KAT5: variants seen among roughly 807,000 people sequenced by gnomAD.
KAT5 encodes the protein lysine acetyltransferase 5, also known as histone acetyltransferase KAT5.
A neutral mutation model predicts 68.1 loss-of-function variants in KAT5; 31 were observed. That is an observed-to-expected ratio of 0.46 (90% CI 0.34 to 0.61). The LOEUF (loss-of-function observed/expected upper bound fraction) is 0.61, where lower values mean the gene tolerates loss of function less well. KAT5 is among the 20% of genes least tolerant of loss of function. The pLI, the probability that KAT5 is intolerant of heterozygous loss-of-function variation, is 0.01. For synonymous variants in KAT5, 365 were observed against 292.6 expected, an observed-to-expected ratio of 1.25 and a Z score of -2.52; for missense variants, 451 against 725.5, an observed-to-expected ratio of 0.62 and a Z score of 4.35.
intron 10 of KAT5, chr11:65,717,313 G>A (rs1857231950): frequency 2.3e-6 from 1 of 432,278 alleles, no homozygotes; most frequent in Non-Finnish European, 4.3e-6. Context: ...GGTAACGTGT[G>A]CCATGATACG....
At position 65,719,102 on chromosome 11, in the gene KAT5, T is replaced by C. The variant is rs145568166; in HGVS notation, c.1562T>C (p.Met521Thr). 8.5e-5 allele frequency: 138 copies of C among 1,614,062 alleles called. No homozygotes were observed. Among genetic ancestry groups the C allele is most frequent in the Non-Finnish European group, 1.1e-4 (132 of 1,180,032 alleles). ...EDIVDGHERA[M>T]LKRLLRIDSK... ...ATCGTGGATGGCCATGAGCGGGCCA[T>C]GCTCAAGCGGCTCCTGCGGATCGAC... The change falls in exon 13 of 13, where the codon ATG (methionine) becomes ACG (threonine). Residue 521 changes from methionine (M) to threonine (T), a missense_variant. This residue lies in a region of KAT5 where 210 missense variants were observed against 423.7 expected (regional missense o/e 0.50). Coordinates refer to ENST00000341318, the MANE Select transcript of KAT5 (RefSeq NM_182710.3).
intron 10 of KAT5, chr11:65,718,213 A>C (rs1236635095): frequency 5.5e-6 from 1 of 181,670 alleles, no homozygotes; most frequent in Non-Finnish European, 1.2e-5. Context: ...AGAGACAGGA[A>C]TCTGTCTCCA....
intron 8 of KAT5, chr11:65,715,170 C>T (rs538484982): frequency 2.2e-5 from 11 of 496,064 alleles, no homozygotes; most frequent in Non-Finnish European, 3.7e-5. Flanking sequence ...GTTAGCAGGA[C>T]CCAAAGGAGG....
chr11:65,716,300 G>A (rs774351499), intron 8 of KAT5: 2 of 222,246 alleles, frequency 9.0e-6, no homozygotes, highest in South Asian at 1.7e-4. Flanking sequence ...AGTTTGAGGA[G>A]CCGTGGTCAG....
At chr11:65,716,153 C>T (rs1381888139) in intron 8 of KAT5, 2 of 154,528 alleles carry the variant, frequency 1.3e-5, no homozygotes, top group African/African-American at 4.8e-5. Flanking sequence ...TCCAGAATTC[C>T]TTAACTCTGT....
At position 65,712,346 on chromosome 11, in the gene KAT5, G is replaced by A. The variant is rs149844051; in HGVS notation, c.79G>A (p.Val27Ile). Residue 27 changes from valine to isoleucine, a missense_variant, in exon 1 of 13, where the codon GTA becomes ATA. By Grantham distance (29) the Val-to-Ile change is conservative. Around this residue, in one of 4 missense-constraint regions of KAT5, gnomAD observed 104 missense variants for 107.3 expected, o/e 0.97. Transcript: ENST00000341318. ...GEVGRARGPP[V>I]ADPGVALSPQ... Reference sequence around the variant, plus strand: ...GGTGGGTAGAGCCCGAGGCCCCCCAGTAGCCGACCCTGGCGTCGCGCTGTC... The same window carrying A: ...GGTGGGTAGAGCCCGAGGCCCCCCAATAGCCGACCCTGGCGTCGCGCTGTC... The A allele has an allele frequency of 1.4e-5, 21 of 1,531,870 alleles. 1 individual carries two copies. Among genetic ancestry groups the A allele is most frequent in the Non-Finnish European group, 1.6e-5 (18 of 1,150,176 alleles). The allele number at this position is 1,531,870 out of a possible 1,614,324, so 94.9% of individuals were successfully genotyped here.
In KAT5 at chr11:65,713,316, C is replaced by T. The variant is rs750725821; in HGVS notation, c.385-32C>T. 24 of 1,605,500 alleles carry T rather than the reference C, an allele frequency of 1.5e-5. No individual in the cohort carries two copies. The Admixed American group carries it at 3.9e-4, about 26-fold the overall frequency. On this transcript the variant is annotated intron_variant, in intron 3 of 12. Transcript: ENST00000341318. ...TTCCCCATCCCACTGCCATCCCCGC[C>T]CCAAAGGAAGACCCTGGACCTATCT...
At chr11:65,716,024 CAA>C (rs34568886) in intron 8 of KAT5, 21,619 of 123,250 alleles carry the variant, frequency 0.18, 1,876 homozygotes, top group East Asian at 0.4. Flanking sequence ...GACCCTGTGT[CAA>C]AAAAAAAAAA....
rs1167110420 is a variant in KAT5, at chr11:65,713,403, T to G, written c.440T>G (p.Leu147Arg). The G allele has an allele frequency of 6.2e-7, 1 of 1,613,672 alleles. No individual in the cohort carries two copies. Among genetic ancestry groups the G allele is most frequent in the Non-Finnish European group, 8.5e-7 (1 of 1,179,956 alleles). The change falls in exon 4 of 13, where the codon CTC becomes CGC. Residue 147 changes from leucine (L) to arginine (R), a missense_variant. Physicochemically the swap from Leu to Arg is moderately radical, Grantham distance 102. Transcript: ENST00000341318. ...KTLPIPVQIT[L>R]RFNLPKEREA... ...TTGCCAATCCCGGTCCAGATCACAC[T>G]CCGCTTCAACCTGCCCAAGGAGCGG...
intron 1 of KAT5, 89 bp from the exon 2 acceptor site, chr11:65,712,677 A>G (rs1857062362): frequency 1.3e-5 from 19 of 1,488,310 alleles, no homozygotes; most frequent in Non-Finnish European, 1.8e-5. Context: ...GAGCTTAGGG[A>G]TCCGGCCTGG....
intron 10 of KAT5, 48 bp from the exon 11 acceptor site, chr11:65,718,542 T>C: frequency 6.3e-7 from 1 of 1,579,872 alleles, no homozygotes; most frequent in Non-Finnish European, 8.6e-7. Flanking sequence ...ATGTTGCTTA[T>C]GTTCATCTGT....
chr11:65,717,292 C>A, intron 10 of KAT5: 1 of 486,524 alleles, frequency 2.1e-6, no homozygotes, highest in East Asian at 3.8e-5. Flanking sequence ...GCCGCTGGTG[C>A]TGATGTATCT....
rs2135622285 is a variant in KAT5 at position 65,712,996 on chromosome 11, G to A, written c.322G>A (p.Ala108Thr). Residue 108 changes from alanine to threonine, a missense_variant, in exon 3 of 13, where the codon GCC (alanine) becomes ACC (threonine). By Grantham distance (58) the Ala-to-Thr change is moderately conservative (BLOSUM62 0). Coordinates refer to ENST00000341318, the MANE Select transcript of KAT5 (RefSeq NM_182710.3). Reference sequence around the variant, plus strand: ...GAAGATCCAGTTCCCCAAGAAAGAGGCCAAGACCCCCACTAAGAACGGACT... The same window carrying A: ...GAAGATCCAGTTCCCCAAGAAAGAGACCAAGACCCCCACTAAGAACGGACT... Reference protein sequence around the residue: ...LKKIQFPKKEAKTPTKNGLPG... With the variant: ...LKKIQFPKKETKTPTKNGLPG... 1 of 1,614,018 alleles carries A rather than the reference G, an allele frequency of 6.2e-7. No homozygotes were observed. Among genetic ancestry groups the A allele is most frequent in the Admixed American group, 1.7e-5 (1 of 60,024 alleles).
Position 65,719,191 on chromosome 11 carries a change from G to A in KAT5, c.*10G>A. On this transcript the variant is annotated 3_prime_UTR_variant, in exon 13 of 13. Coordinates refer to ENST00000341318, the MANE Select transcript of KAT5 (RefSeq NM_182710.3). ...GAGGGGGAAGTGGTGACCAGACACTGCCCACTGCAGTGCCAAGACGGCAGC... is the reference window on the plus strand; with the variant it reads ...GAGGGGGAAGTGGTGACCAGACACTACCCACTGCAGTGCCAAGACGGCAGC... 6.2e-7 allele frequency: 1 copy of A among 1,612,842 alleles called. No individual in the cohort carries two copies. Among genetic ancestry groups the A allele is most frequent in the South Asian group, 1.1e-5 (1 of 90,952 alleles).
Position 65,714,716 on chromosome 11 carries a change from T to G in KAT5, c.912T>G (p.Arg304=). The G allele has an allele frequency of 6.2e-7, 1 of 1,614,198 alleles. No individual in the cohort carries two copies. Among genetic ancestry groups the G allele is most frequent in the African/African-American group, 1.3e-5 (1 of 75,050 alleles). ...YLCEFCLKYG[R]SLKCLQRHLT... ...GCGAGTTCTGCCTCAAGTACGGCCG[T>G]AGTCTCAAGTGTCTTCAGCGTCATT... The change falls in exon 7 of 13, where the codon CGT becomes CGG. Residue 304 remains arginine, a synonymous_variant. Coordinates refer to ENST00000341318, the MANE Select transcript of KAT5 (RefSeq NM_182710.3).
rs116830965 is a variant in KAT5, at chr11:65,713,040, C to T, written c.366C>T (p.Gly122=). ...ACGGACTTCCTGGGTCCCGTCCTGG[C>T]TCTCCAGAGAGAGAGGTGGTGAGTA... ...TKNGLPGSRP[G]SPEREVPASA... is the part of the protein sequence containing the mutation. Residue 122 remains glycine (G), a synonymous_variant, in exon 3 of 13, where the codon GGC becomes GGT. Coordinates refer to ENST00000341318, the MANE Select transcript of KAT5 (RefSeq NM_182710.3). 1.2e-6 allele frequency: 2 copies of T among 1,613,094 alleles called. No homozygotes were observed. Among genetic ancestry groups the T allele is most frequent in the East Asian group, 4.5e-5 (2 of 44,902 alleles).
rs1305085660 is a variant in KAT5 at position 65,714,627 on chromosome 11, C to G, written c.823C>G (p.Leu275Val). Residue 275 changes from leucine to valine, a missense_variant, in exon 7 of 13, where the codon CTC (leucine) becomes GTC (valine). Coordinates refer to ENST00000341318, the MANE Select transcript of KAT5 (RefSeq NM_182710.3). ...GTGCATTGAGCTGGGCCGGCACCGC[C>G]TCAAGCCGTGGTACTTCTCCCCGTA... ...IECIELGRHR[L>V]KPWYFSPYPQ... The G allele has an allele frequency of 6.2e-7, 1 of 1,614,252 alleles. No homozygotes were observed.
In KAT5 at chr11:65,719,098, G is replaced by T; in HGVS notation, c.1558G>T (p.Ala520Ser). Residue 520 changes from alanine to serine, a missense_variant, in exon 13 of 13, where the codon GCC (alanine) becomes TCC (serine). By Grantham distance (99) the Ala-to-Ser change is moderately conservative (BLOSUM62 1). Coordinates refer to ENST00000341318, the MANE Select transcript of KAT5 (RefSeq NM_182710.3). The part of the protein sequence containing the change: ...SEDIVDGHER[A>S]MLKRLLRIDS... Reference sequence around the variant, plus strand: ...GGACATCGTGGATGGCCATGAGCGGGCCATGCTCAAGCGGCTCCTGCGGAT... The same window carrying T: ...GGACATCGTGGATGGCCATGAGCGGTCCATGCTCAAGCGGCTCCTGCGGAT... 6.2e-7 allele frequency: 1 copy of T among 1,614,192 alleles called. No individual in the cohort carries two copies. The highest frequency in any genetic ancestry group is 8.5e-7 in the Non-Finnish European group (1 of 1,180,026).
At position 65,713,861 on chromosome 11, in the gene KAT5, A is replaced by G. The variant is rs755576862; in HGVS notation, c.690+13A>G. On this transcript the variant is annotated intron_variant, in intron 6 of 12. Coordinates refer to ENST00000341318, the MANE Select transcript of KAT5 (RefSeq NM_182710.3). Reference sequence around the variant, plus strand: ...GGGCACTGATGAGGTGGGTCTGGGGAGCAGCAGAAGGGAACTGGGTGAAAA... The same window carrying G: ...GGGCACTGATGAGGTGGGTCTGGGGGGCAGCAGAAGGGAACTGGGTGAAAA... 5.1e-6 allele frequency: 8 copies of G among 1,564,980 alleles called. No individual in the cohort carries two copies. Among genetic ancestry groups the G allele is most frequent in the Non-Finnish European group, 6.9e-6 (8 of 1,153,844 alleles).
Sources: gnomAD v4.1 joint callset for allele counts on GRCh38, gnomAD v4.1.1 for gene constraint, gnomAD v4.1.1 regional missense constraint, MANE v1.5 for transcripts, NCBI Gene and HGNC (gene_info 2026-07-23, HGNC 2026-07-21) for gene names.